The following NRBP1 variants were observed in gnomAD, a reference collection of about 807,000 sequenced individuals.
NRBP1 encodes the protein nuclear receptor binding protein 1, also known as nuclear receptor-binding protein.
NRBP1 carries 10 observed loss-of-function variants against 76.0 expected under a neutral mutation model. That is an observed-to-expected ratio of 0.13 (90% confidence interval 0.08 to 0.22). The LOEUF (loss-of-function observed/expected upper bound fraction) is 0.22, where lower values mean the gene tolerates loss of function less well. Among genes scored for constraint, NRBP1 ranks in the 10% least tolerant of loss-of-function variants. The probability of loss-of-function intolerance (pLI) is 1.00; values close to 1 mark genes in which losing one functional copy is unlikely to be tolerated. For synonymous variants in NRBP1, 235 were observed against 240.2 expected, an observed-to-expected ratio of 0.98 and a Z score of 0.20; for missense variants, 344 against 646.0, an observed-to-expected ratio of 0.53 and a Z score of 5.07.
rs1281509924 is a variant in NRBP1 at position 27,433,974 on chromosome 2, C to T, written c.334-15C>T. The T allele has an allele frequency of 6.2e-7, 1 of 1,609,790 alleles. No homozygotes were observed. Among genetic ancestry groups the T allele is most frequent in the East Asian group, 2.2e-5 (1 of 44,876 alleles). ...ATTTGTGACTCTGTTATTCCACTGT[C>T]TCCCTTGCTTTCAGGAAAAGGTTCG... On this transcript the variant is annotated splice_polypyrimidine_tract_variant and intron_variant, in intron 3 of 17. Transcript: ENST00000379852.
At chr2:27,429,176 C>G (rs1360397877) in intron 1 of NRBP1, 1 of 152,676 alleles carries the variant, frequency 6.5e-6, no homozygotes, top group South Asian at 2.0e-4. Flanking sequence ...TCGGTCCGGC[C>G]TTTGATGAGG....
chr2:27,430,467 TTC>T (rs1558332628), intron 1 of NRBP1, among the ~76,000 whole-genome samples: 1 of 116,188 alleles, frequency 8.6e-6, no homozygotes, highest in Non-Finnish European at 1.8e-5. Flanking sequence ...CTTTCTTTTT[TTC>T]TTTTTTTTTT....
In NRBP1 at chr2:27,440,477, G is replaced by A. The variant is rs1411755765; in HGVS notation, c.1111G>A (p.Ala371Thr). ...TAGTGCCGTACTGGCTGAAATCCCT[G>A]CAGGACCAGGAAGAGAACCAGTTCA... ...DTSAVLAEIP[A>T]GPGREPVQTL... Residue 371 changes from alanine (A) to threonine (T), a missense_variant, in exon 12 of 18, where the codon GCA becomes ACA. Physicochemically the swap from Ala to Thr is moderately conservative, Grantham distance 58 (BLOSUM62 0). This residue lies in a region of NRBP1 where 218 missense variants were observed against 309.8 expected (regional missense o/e 0.70). Coordinates refer to ENST00000379852, the MANE Select transcript of NRBP1 (RefSeq NM_013392.4). The A allele has an allele frequency of 1.2e-6, 2 of 1,614,006 alleles. No homozygotes were observed. The highest frequency in any genetic ancestry group is 1.7e-6 in the Non-Finnish European group (2 of 1,179,990).
At chr2:27,435,895 C>A in intron 7 of NRBP1, 1 of 675,978 alleles carries the variant, frequency 1.5e-6, no homozygotes, top group Non-Finnish European at 2.7e-6. Context: ...CCTGCCAGCC[C>A]TCCGCCTGCT....
At chr2:27,435,499 G>A in intron 7 of NRBP1, 2 of 612,436 alleles carry the variant, frequency 3.3e-6, no homozygotes, top group Admixed American at 2.8e-5. Flanking sequence ...TAGGTTTGAG[G>A]TTTGATTTGA....
At chr2:27,435,588 C>T (rs1461890492) in intron 7 of NRBP1, 13 of 699,796 alleles carry the variant, frequency 1.9e-5, no homozygotes, top group Non-Finnish European at 3.5e-5. Flanking sequence ...GTATTGTATG[C>T]AGTGTACAAC....
chr2:27,432,657 C>T (rs1664153228), intron 1 of NRBP1, among the ~76,000 whole-genome samples: 1 of 152,104 alleles, frequency 6.6e-6, no homozygotes, highest in Non-Finnish European at 1.5e-5. Flanking sequence ...CTCACTGCAG[C>T]CTCAAACTCC....
intron 10 of NRBP1, among the ~76,000 whole-genome samples, chr2:27,438,351 G>A (rs1296664459): frequency 1.3e-5 from 2 of 152,144 alleles, no homozygotes; most frequent in Non-Finnish European, 2.9e-5. Flanking sequence ...TACAGTTTTA[G>A]TTAGGGACGG....
chr2:27,433,487 A>G lies in NRBP1; in HGVS notation c.210+4A>G. ...CTGGCAGAAGAGGCGAGAAGAGGTA[A>G]GGTTATGGTACAGTTACTCTTGGGT... is the stretch of plus-strand genomic sequence containing the variant. On this transcript the variant is annotated splice_donor_region_variant and intron_variant, in intron 2 of 17. Transcript: ENST00000379852. The G allele has an allele frequency of 6.2e-7, 1 of 1,613,762 alleles. No individual in the cohort carries two copies. Among genetic ancestry groups the G allele is most frequent in the Non-Finnish European group, 8.5e-7 (1 of 1,179,846 alleles).
At chr2:27,441,050 C>T in intron 14 of NRBP1, 77 bp from the exon 15 acceptor site, 1 of 1,608,292 alleles carries the variant, frequency 6.2e-7, no homozygotes, top group African/African-American at 1.3e-5. Context: ...CAGCCATGCC[C>T]TATGGGCTCG....
intron 1 of NRBP1, chr2:27,429,062 G>T (rs1389695706): frequency 1.1e-5 from 2 of 185,622 alleles, no homozygotes; most frequent in Non-Finnish European, 2.2e-5. Flanking sequence ...GGGGGCGGCG[G>T]TCGCGGCCCG....
chr2:27,438,422 A>C (rs1664398647), intron 10 of NRBP1, among the ~76,000 whole-genome samples: 1 of 152,262 alleles, frequency 6.6e-6, no homozygotes. Context: ...TTGATAGACT[A>C]TAGTAAGCAG....
chr2:27,428,547 AG>A (rs575850025), upstream of NRBP1: 96 of 395,418 alleles, frequency 2.4e-4, 1 homozygote, highest in South Asian at 7.0e-3. Flanking sequence ...CCGCCCACCC[AG>A]AACGTCACCC....
At chr2:27,437,568 G>C (rs1323715812) in intron 10 of NRBP1, among the ~76,000 whole-genome samples, 1 of 152,186 alleles carries the variant, frequency 6.6e-6, no homozygotes, top group African/African-American at 2.4e-5. Context: ...GATGATGCTG[G>C]GGTTAAAAGT....
chr2:27,438,438 G>A (rs1213854708), intron 10 of NRBP1, among the ~76,000 whole-genome samples: 1 of 152,182 alleles, frequency 6.6e-6, no homozygotes, highest in Non-Finnish European at 1.5e-5. Context: ...AGCAGAGCCT[G>A]GGCAGGAAGG....
chr2:27,435,034 G>T, intron 6 of NRBP1, 99 bp from the exon 7 acceptor site: 1 of 719,770 alleles, frequency 1.4e-6, no homozygotes. Context: ...TATCTTTATG[G>T]TGACCAGCAG....
At chr2:27,439,937 C>A (rs576571594) in intron 11 of NRBP1, 39 bp downstream of exon 11, 1 of 1,540,704 alleles carries the variant, frequency 6.5e-7, no homozygotes, top group South Asian at 1.1e-5. Context: ...GTCTTCCAAT[C>A]TGGAGCCCTG....
intron 7 of NRBP1, chr2:27,436,057 G>C (rs1664294577): frequency 2.0e-6 from 1 of 502,302 alleles, no homozygotes; most frequent in East Asian, 3.5e-5. Context: ...TATGATCTGA[G>C]TGAGTCCAAA....
intron 10 of NRBP1, among the ~76,000 whole-genome samples, chr2:27,439,360 C>A (rs1471387546): frequency 6.6e-6 from 1 of 151,818 alleles, no homozygotes; most frequent in East Asian, 1.9e-4. Flanking sequence ...TGGTGGGCAC[C>A]TGTAGTCCCA....
Sources: gnomAD v4.1 joint callset for allele counts (sites outside exome capture counted in the v4.1 genomes callset) on GRCh38, gnomAD v4.1.1 for gene constraint, gnomAD v4.1.1 regional missense constraint, MANE v1.5 for transcripts, NCBI Gene and HGNC (gene_info 2026-07-23, HGNC 2026-07-21) for gene names.